TFAP2D: variants seen among roughly 807,000 people sequenced by gnomAD.
TFAP2D encodes the protein transcription factor AP-2 delta, also known as transcription factor AP-2-delta.
Under a neutral mutation model 43.6 loss-of-function variants are expected in TFAP2D, and 9 were observed. That is an observed-to-expected ratio of 0.21 (90% CI 0.12 to 0.36). The LOEUF (loss-of-function observed/expected upper bound fraction) is 0.36. Among genes scored for constraint, TFAP2D ranks in the 10% least tolerant of loss-of-function variants. The pLI, the probability that TFAP2D is intolerant of heterozygous loss-of-function variation, is 1.00. For missense variants in TFAP2D, 513 were observed against 561.4 expected (o/e 0.91, Z 0.87); for synonymous variants, 256 against 224.9 (o/e 1.14, Z -1.24).
chr6:50,717,423 AGAGAGTGG>A (rs1453336474), intron 2 of TFAP2D, among the ~76,000 whole-genome samples: 1 of 152,254 alleles, frequency 6.6e-6, no homozygotes, highest in Non-Finnish European at 1.5e-5. Context: ...ACCGTGCGCC[AGAGAGTGG>A]GAGGGAAAGT....
chr6:50,735,908 A>G (rs1156615676), intron 5 of TFAP2D, among the ~76,000 whole-genome samples: 2 of 152,154 alleles, frequency 1.3e-5, no homozygotes, highest in Non-Finnish European at 2.9e-5. Context: ...AACCGGAATC[A>G]TTTTGCCAAT....
At chr6:50,768,386 T>C (rs1489505844) in intron 7 of TFAP2D, among the ~76,000 whole-genome samples, 1 of 148,936 alleles carries the variant, frequency 6.7e-6, no homozygotes, top group African/African-American at 2.5e-5. Context: ...CAGCCTGGAG[T>C]GCAATGGTGC....
chr6:50,744,578 G>A (rs778829282), intron 5 of TFAP2D, among the ~76,000 whole-genome samples: 11 of 152,014 alleles, frequency 7.2e-5, no homozygotes, highest in Non-Finnish European at 5.9e-5. Flanking sequence ...AAATTTACTT[G>A]GGTTTAGGAT....
intron 6 of TFAP2D, 83 bp downstream of exon 6, chr6:50,745,331 G>A: frequency 6.4e-7 from 1 of 1,564,358 alleles, no homozygotes; most frequent in Non-Finnish European, 8.7e-7. Flanking sequence ...AAACAGTCTA[G>A]AAGGCACCCG....
chr6:50,768,268 A>ATTT (rs1163770512), intron 7 of TFAP2D, among the ~76,000 whole-genome samples: 1 of 74,320 alleles, frequency 1.3e-5, no homozygotes, highest in African/African-American at 5.2e-5. Context: ...TCTATTTCTA[A>ATTT]TTTTCTTTTT....
chr6:50,735,070 C>T (rs1768943920), intron 5 of TFAP2D, among the ~76,000 whole-genome samples: 1 of 152,166 alleles, frequency 6.6e-6, no homozygotes, highest in East Asian at 1.9e-4. Flanking sequence ...AAATAACACC[C>T]TTCACATAAG....
intron 1 of TFAP2D, among the ~76,000 whole-genome samples, chr6:50,714,829 C>G (rs893348956): frequency 2.0e-5 from 3 of 151,728 alleles, no homozygotes; most frequent in Admixed American, 6.6e-5. Context: ...GTGTGTGTGT[C>G]TGTGCGTGTG....
chr6:50,716,877 A>G (rs779252036), intron 2 of TFAP2D, among the ~76,000 whole-genome samples: 5 of 152,232 alleles, frequency 3.3e-5, no homozygotes, highest in Non-Finnish European at 7.3e-5. Context: ...ACCTTTGAGC[A>G]AGAGATTATT....
chr6:50,729,132 G>A (rs769173132), intron 4 of TFAP2D, 62 bp from the exon 5 acceptor site: 41 of 1,604,974 alleles, frequency 2.6e-5, no homozygotes, highest in East Asian at 8.9e-5. Flanking sequence ...TGGTCAAGTC[G>A]TCTCATAATT....
chr6:50,740,080 T>G (rs1424921713), intron 5 of TFAP2D, among the ~76,000 whole-genome samples: 1 of 152,172 alleles, frequency 6.6e-6, no homozygotes, highest in African/African-American at 2.4e-5. Context: ...AGTATAAGAA[T>G]TTACTTAATT....
chr6:50,735,092 G>A (rs1397487551), intron 5 of TFAP2D, among the ~76,000 whole-genome samples: 3 of 151,992 alleles, frequency 2.0e-5, no homozygotes, highest in Non-Finnish European at 4.4e-5. Flanking sequence ...TTGTTGCAAG[G>A]GTTAAATCAG....
At chr6:50,741,712 T>G (rs200937122) in intron 5 of TFAP2D, among the ~76,000 whole-genome samples, 1 of 147,768 alleles carries the variant, frequency 6.8e-6, no homozygotes, top group Non-Finnish European at 1.5e-5. Context: ...AAAAAAAAGG[T>G]GCATGGCCAA....
At chr6:50,752,371 T>A (rs1418340752) in intron 7 of TFAP2D, among the ~76,000 whole-genome samples, 1 of 151,928 alleles carries the variant, frequency 6.6e-6, no homozygotes, top group Non-Finnish European at 1.5e-5. Flanking sequence ...CCTTACATTT[T>A]TAAAACTCTA....
At chr6:50,760,306 G>C (rs1769345709) in intron 7 of TFAP2D, among the ~76,000 whole-genome samples, 1 of 151,966 alleles carries the variant, frequency 6.6e-6, no homozygotes, top group Non-Finnish European at 1.5e-5. Context: ...GTTGTAAGGA[G>C]ACATACTGAT....
intron 2 of TFAP2D, chr6:50,718,049 T>G (rs1456141801): frequency 6.6e-6 from 1 of 152,186 alleles, no homozygotes; most frequent in Non-Finnish European, 1.5e-5. Flanking sequence ...CCTAAAAAGA[T>G]TTGCTATGGC....
At position 50,715,276 on chromosome 6, in the gene TFAP2D, C is replaced by G. The variant is rs778997408; in HGVS notation, c.200C>G (p.Thr67Ser). 6.2e-7 allele frequency: 1 copy of G among 1,614,040 alleles called. No individual in the cohort carries two copies. Among genetic ancestry groups the G allele is most frequent in the East Asian group, 2.2e-5 (1 of 44,850 alleles). ...SPYFSTNHQY[T>S]PLHHQSFHYE... ...TACTTCTCCACTAACCACCAGTACA[C>G]CCCGCTCCACCACCAGTCCTTCCAT... The change falls in exon 2 of 8, where the codon ACC becomes AGC. Residue 67 changes from threonine (T) to serine (S), a missense_variant. Transcript: ENST00000008391.
chr6:50,716,359 C>G (rs1768627989), intron 2 of TFAP2D, among the ~76,000 whole-genome samples: 1 of 151,832 alleles, frequency 6.6e-6, no homozygotes. Flanking sequence ...CTCTTCCAGC[C>G]ATTACATTTT....
chr6:50,748,762 T>C (rs993887000), intron 6 of TFAP2D, among the ~76,000 whole-genome samples: 3 of 151,948 alleles, frequency 2.0e-5, no homozygotes, highest in African/African-American at 7.2e-5. Context: ...GTCTAACATT[T>C]GATCTGCATT....
intron 4 of TFAP2D, 32 bp from the exon 5 acceptor site, chr6:50,729,162 T>C: frequency 1.2e-6 from 2 of 1,610,126 alleles, no homozygotes; most frequent in Non-Finnish European, 1.7e-6. Flanking sequence ...ATGTGAAATT[T>C]CAAAACCTAG....
Sources: allele counts gnomAD v4.1 joint callset (sites outside exome capture counted in the v4.1 genomes callset), GRCh38; gene constraint gnomAD v4.1.1; transcripts MANE v1.5; gene names NCBI Gene and HGNC (gene_info 2026-07-23, HGNC 2026-07-21).